BANP: variants seen among roughly 807,000 people sequenced by gnomAD.
BANP encodes BTG3 associated nuclear protein, also known as protein BANP.
BANP carries 11 observed loss-of-function variants against 68.1 expected under a neutral mutation model. That is an observed-to-expected ratio of 0.16 (90% confidence interval 0.10 to 0.27). The LOEUF is 0.27. BANP is among the 10% of genes least tolerant of loss of function. The pLI is 1.00. For synonymous variants in BANP, 329 were observed against 303.2 expected, an observed-to-expected ratio of 1.09 and a Z score of -0.88; for missense variants, 504 against 722.7, an observed-to-expected ratio of 0.70 and a Z score of 3.47.
intron 13 of BANP, among the ~76,000 whole-genome samples, chr16:88,073,916 A>G (rs567641421): frequency 1.3e-3 from 197 of 152,374 alleles, no homozygotes; most frequent in Non-Finnish European, 2.3e-3. Context: ...TGATTTAATT[A>G]GGATCCATCG....
rs975265838 is a variant in BANP at position 87,984,243 on chromosome 16, T to C, written c.346T>C (p.Cys116Arg). ...CTCCCCTCTCGGGGCAACCCAGACG[T>C]GCAACAAAGTGCGATGGTAAGAACA... ...AGSPLGATQT[C>R]NKVRCVVPQT... The change falls in exon 4 of 14, where the codon TGC (cysteine) becomes CGC (arginine). Residue 116 changes from cysteine (C) to arginine (R), a missense_variant. Physicochemically the swap from Cys to Arg is radical, Grantham distance 180 (BLOSUM62 -3). This residue lies in a region of BANP where 238 missense variants were observed against 278.9 expected (regional missense o/e 0.85). Transcript: ENST00000682872. The C allele has an allele frequency of 2.5e-6, 4 of 1,589,932 alleles. No individual in the cohort carries two copies. Among genetic ancestry groups the C allele is most frequent in the Non-Finnish European group, 3.4e-6 (4 of 1,167,058 alleles).
chr16:88,009,479 T>G (rs1056172318), intron 6 of BANP, among the ~76,000 whole-genome samples: 8 of 152,238 alleles, frequency 5.3e-5, no homozygotes, highest in Non-Finnish European at 1.2e-4. Context: ...TGTATCAAAT[T>G]TGGAGTCAGT....
chr16:87,964,994 C>T (rs1288459437), intron 1 of BANP, among the ~76,000 whole-genome samples: 4 of 152,136 alleles, frequency 2.6e-5, no homozygotes, highest in South Asian at 2.1e-4. Flanking sequence ...AGTTCATGTG[C>T]GAGGTCTGAG....
At chr16:88,076,346 G>GGGGGCGGGCCGGGGC (rs2091603897) in intron 13 of BANP, among the ~76,000 whole-genome samples, 1 of 151,898 alleles carries the variant, frequency 6.6e-6, no homozygotes, top group Non-Finnish European at 1.5e-5. Flanking sequence ...AGTCCATGTC[G>GGGGGCGGGCCGGGGC]GGGGCGGGCC....
At chr16:88,029,767 C>A (rs940286537) in intron 8 of BANP, among the ~76,000 whole-genome samples, 3 of 152,156 alleles carry the variant, frequency 2.0e-5, no homozygotes, top group Non-Finnish European at 2.9e-5. Context: ...GACCGTGATC[C>A]TGAGAGAAGG....
chr16:87,950,203 A>C (rs1166589940), upstream of BANP, among the ~76,000 whole-genome samples: 1 of 152,122 alleles, frequency 6.6e-6, no homozygotes, highest in African/African-American at 2.4e-5. Context: ...CAGTGAAAAT[A>C]GCTGCCTCGC....
chr16:88,073,593 G>A (rs868406818), intron 13 of BANP, among the ~76,000 whole-genome samples: 4 of 152,318 alleles, frequency 2.6e-5, no homozygotes, highest in Middle Eastern at 3.4e-3. Flanking sequence ...GTTCGGCAGC[G>A]CTTATTTTAT....
intron 1 of BANP, among the ~76,000 whole-genome samples, chr16:87,967,581 A>C (rs964790026): frequency 6.7e-6 from 1 of 149,720 alleles, no homozygotes; most frequent in African/African-American, 2.5e-5. Context: ...TTGGCCTCCC[A>C]AGTAGCTGGG....
intron 11 of BANP, among the ~76,000 whole-genome samples, chr16:88,052,065 A>G (rs2152828342): frequency 6.6e-6 from 1 of 152,302 alleles, no homozygotes; most frequent in African/African-American, 2.4e-5. Context: ...AGTTTCTCTC[A>G]TTGGGCACTC....
chr16:88,028,752 G>T (rs981687573), intron 8 of BANP, among the ~76,000 whole-genome samples: 2 of 152,314 alleles, frequency 1.3e-5, no homozygotes, highest in African/African-American at 2.4e-5. Context: ...GGAATATTGC[G>T]CATGACTTGA....
upstream of BANP, among the ~76,000 whole-genome samples, chr16:87,950,123 C>T (rs1306078500): frequency 6.6e-6 from 1 of 152,162 alleles, no homozygotes; most frequent in Non-Finnish European, 1.5e-5. Flanking sequence ...GTGATCCACC[C>T]GCCTCGGCCT....
At position 88,002,732 on chromosome 16, in the gene BANP, T is replaced by C. The variant is rs1328263857; in HGVS notation, c.363-1563T>C. On this transcript the variant is annotated intron_variant, in intron 4 of 13. Transcript: ENST00000682872. The surrounding 1 kb of genome is among the most constrained non-coding windows in gnomAD (Gnocchi z 4.6). ...AGGATCTTCAAGGAAAAAAAAGGTA[T>C]ATTTGGTCAAATGACCTTGCCAAAT... Among the ~76,000 whole-genome samples, 2 of 152,202 alleles carry C rather than the reference T, an allele frequency of 1.3e-5. No individual in the cohort carries two copies. Among genetic ancestry groups the C allele is most frequent in the Non-Finnish European group, 2.9e-5 (2 of 68,042 alleles).
intron 8 of BANP, among the ~76,000 whole-genome samples, chr16:88,031,835 C>T (rs1359904409): frequency 2.0e-5 from 3 of 148,604 alleles, no homozygotes; most frequent in Non-Finnish European, 3.0e-5. Flanking sequence ...TTCCCCCGCT[C>T]GCTCTGTTGC....
chr16:88,068,230 C>T (rs376341153), intron 12 of BANP, among the ~76,000 whole-genome samples: 1 of 152,216 alleles, frequency 6.6e-6, no homozygotes, highest in African/African-American at 2.4e-5. Context: ...GCGGGCTTAC[C>T]GTGTGCTCCT....
intron 7 of BANP, among the ~76,000 whole-genome samples, chr16:88,019,844 C>T (rs1598497276): frequency 6.6e-6 from 1 of 152,256 alleles, no homozygotes; most frequent in Admixed American, 6.5e-5. Flanking sequence ...TCCGCTGTTC[C>T]GTAGCTGCTG....
At chr16:88,037,940 C>G (rs375732500) in intron 10 of BANP, 33 bp from the exon 11 acceptor site, 15 of 1,609,150 alleles carry the variant, frequency 9.3e-6, no homozygotes, top group Admixed American at 3.3e-5. Context: ...TGTGTTTCTA[C>G]TCATGACCGT....
At chr16:88,028,756 G>A (rs927460508) in intron 8 of BANP, among the ~76,000 whole-genome samples, 8 of 152,194 alleles carry the variant, frequency 5.3e-5, no homozygotes, top group Admixed American at 4.6e-4. Flanking sequence ...TATTGCGCAT[G>A]ACTTGAATTC....
chr16:88,055,436 T>C (rs558571277), intron 11 of BANP, among the ~76,000 whole-genome samples: 57 of 152,338 alleles, frequency 3.7e-4, no homozygotes, highest in African/African-American at 1.0e-3. Context: ...ACGGCAGGCT[T>C]GGTGACCTTG....
chr16:88,050,345 C>T (rs1257257576), intron 11 of BANP, among the ~76,000 whole-genome samples: 3 of 152,200 alleles, frequency 2.0e-5, no homozygotes, highest in South Asian at 2.1e-4. Context: ...TTTGTAGAGA[C>T]AGGATTTTGC....
Sources: allele counts gnomAD v4.1 joint callset (sites outside exome capture counted in the v4.1 genomes callset), GRCh38; gene constraint gnomAD v4.1.1; regional missense constraint gnomAD v4.1.1; non-coding constraint Gnocchi (gnomAD v3.1); transcripts MANE v1.5; gene names NCBI Gene and HGNC (gene_info 2026-07-23, HGNC 2026-07-21).